Variants in DLGAP1 observed in about 807,000 individuals in gnomAD.
DLGAP1 encodes the protein disks large-associated protein 1.
In DLGAP1, 11 loss-of-function variants were observed where a neutral mutation model predicts 90.8. That is an observed-to-expected ratio of 0.12 (90% CI 0.08 to 0.20). DLGAP1 has a LOEUF of 0.20. Among genes scored for constraint, DLGAP1 ranks in the 10% least tolerant of loss-of-function variants. The probability of loss-of-function intolerance (pLI) is 1.00; values close to 1 mark genes in which losing one functional copy is unlikely to be tolerated. For synonymous variants in DLGAP1, 558 were observed against 540.7 expected (o/e 1.03, Z -0.44); for missense variants, 1,050 against 1,333.8 (o/e 0.79, Z 3.31).
At chr18:4,153,950 T>C (rs8096353) in intron 1 of DLGAP1, among the ~76,000 whole-genome samples, 63,700 of 152,010 alleles carry the variant, frequency 0.42, 13,787 homozygotes, top group East Asian at 0.71. Flanking sequence ...GGGTAAACCA[T>C]GGAGAAGGAA....
At chr18:4,042,353 C>A (rs2074987484) in intron 2 of DLGAP1, among the ~76,000 whole-genome samples, 1 of 152,188 alleles carries the variant, frequency 6.6e-6, no homozygotes, top group Admixed American at 6.5e-5. Flanking sequence ...TTCCTAAATT[C>A]CTTTTCAATA....
At chr18:3,869,800 T>C (rs1177804061) in intron 4 of DLGAP1, among the ~76,000 whole-genome samples, 2 of 152,148 alleles carry the variant, frequency 1.3e-5, no homozygotes, top group Non-Finnish European at 2.9e-5. Context: ...ACATGAAACA[T>C]GGGAAAGAGC....
chr18:4,169,620 C>T (rs980418719), intron 1 of DLGAP1, among the ~76,000 whole-genome samples: 4 of 152,196 alleles, frequency 2.6e-5, no homozygotes, highest in Non-Finnish European at 5.9e-5. Context: ...TTTCATGTTT[C>T]CCAGTAGAAT....
intron 1 of DLGAP1, among the ~76,000 whole-genome samples, chr18:4,209,505 C>T (rs764912622): frequency 1.1e-4 from 17 of 152,038 alleles, no homozygotes; most frequent in Non-Finnish European, 1.9e-4. Context: ...GTCATTGAAA[C>T]GGATACAGCT....
At chr18:4,443,544 A>C (rs1327886602) in intron 1 of DLGAP1, among the ~76,000 whole-genome samples, 1 of 152,248 alleles carries the variant, frequency 6.6e-6, no homozygotes, top group East Asian at 1.9e-4. Flanking sequence ...ATGGGTCAAA[A>C]GACTCTAGAA....
At chr18:3,997,876 G>C (rs959804950) in intron 3 of DLGAP1, among the ~76,000 whole-genome samples, 2 of 151,952 alleles carry the variant, frequency 1.3e-5, no homozygotes, top group East Asian at 3.9e-4. Context: ...TTTGCTATCT[G>C]GTGTGTATTT....
chr18:4,173,099 G>A (rs1197849148), intron 1 of DLGAP1, among the ~76,000 whole-genome samples: 1 of 152,170 alleles, frequency 6.6e-6, no homozygotes, highest in Non-Finnish European at 1.5e-5. Flanking sequence ...CAGTACTTGA[G>A]AAATATTAAA....
intron 1 of DLGAP1, among the ~76,000 whole-genome samples, chr18:4,418,520 AT>A (rs1331141305): frequency 6.6e-6 from 1 of 152,328 alleles, no homozygotes; most frequent in Admixed American, 6.5e-5. Flanking sequence ...CTATAAAAAA[AT>A]CAAATGAAAA....
chr18:3,834,921 G>A (rs187725561), intron 4 of DLGAP1, among the ~76,000 whole-genome samples: 11 of 152,210 alleles, frequency 7.2e-5, no homozygotes, highest in Admixed American at 1.3e-4. Context: ...TTATGTACAC[G>A]ATAACCTAAG....
chr18:4,080,216 T>A (rs780590484), intron 2 of DLGAP1, among the ~76,000 whole-genome samples: 5 of 152,204 alleles, frequency 3.3e-5, no homozygotes, highest in African/African-American at 4.8e-5. Context: ...TGGGGAACCA[T>A]GATTTAATGT....
chr18:3,978,524 A>C (rs1381997381), intron 3 of DLGAP1: 2 of 246,144 alleles, frequency 8.1e-6, no homozygotes, highest in Non-Finnish European at 8.2e-6. Flanking sequence ...ACCGATGGTG[A>C]CAATATCCAC....
At chr18:4,358,207 A>G (rs2081562841) in intron 1 of DLGAP1, among the ~76,000 whole-genome samples, 1 of 152,204 alleles carries the variant, frequency 6.6e-6, no homozygotes, top group Non-Finnish European at 1.5e-5. Flanking sequence ...ATACATGCAA[A>G]CAAACAGATA....
At chr18:4,301,262 T>C (rs916253003) in intron 1 of DLGAP1, among the ~76,000 whole-genome samples, 4 of 152,158 alleles carry the variant, frequency 2.6e-5, no homozygotes, top group Non-Finnish European at 5.9e-5. Context: ...TAACTGAGGC[T>C]TTGTGCCCTT....
intron 1 of DLGAP1, among the ~76,000 whole-genome samples, chr18:4,382,020 C>T (rs894783822): frequency 5.3e-5 from 8 of 152,090 alleles, no homozygotes; most frequent in Non-Finnish European, 1.0e-4. Context: ...TATTCACCAC[C>T]AAAAGAATAG....
chr18:4,392,879 T>TATG (rs1414613782), intron 1 of DLGAP1, among the ~76,000 whole-genome samples: 2 of 152,140 alleles, frequency 1.3e-5, no homozygotes, highest in Admixed American at 1.3e-4. Flanking sequence ...CTTTTTAGGA[T>TATG]ATGGCACTCC....
At chr18:4,259,406 A>G (rs2078961523) in intron 1 of DLGAP1, among the ~76,000 whole-genome samples, 1 of 152,260 alleles carries the variant, frequency 6.6e-6, no homozygotes, top group African/African-American at 2.4e-5. Context: ...ACTCATACAC[A>G]GATTGGATAC....
At chr18:4,113,528 A>G (rs919768105) in intron 2 of DLGAP1, among the ~76,000 whole-genome samples, 3 of 152,088 alleles carry the variant, frequency 2.0e-5, no homozygotes, top group Non-Finnish European at 2.9e-5. Flanking sequence ...GACCTTTGTC[A>G]TATGCATAGT....
chr18:3,953,160 C>G (rs2073021579), intron 3 of DLGAP1, among the ~76,000 whole-genome samples: 1 of 152,142 alleles, frequency 6.6e-6, no homozygotes, highest in Non-Finnish European at 1.5e-5. Flanking sequence ...GAGTTCTGCT[C>G]TGTATTTTCC....
chr18:3,599,109 A>G (rs1375749694), intron 7 of DLGAP1, among the ~76,000 whole-genome samples: 4 of 152,352 alleles, frequency 2.6e-5, no homozygotes, highest in Admixed American at 2.0e-4. Context: ...TCTGTTAGGT[A>G]CTTGTCATTT....
Sources: gnomAD v4.1 joint callset for allele counts (sites outside exome capture counted in the v4.1 genomes callset) on GRCh38, gnomAD v4.1.1 for gene constraint, MANE v1.5 for transcripts, NCBI Gene and HGNC (gene_info 2026-07-23, HGNC 2026-07-21) for gene names.